The following DCK variants were observed in gnomAD, a reference collection of about 807,000 sequenced individuals.
DCK encodes deoxycytidine kinase.
A neutral mutation model predicts 38.3 loss-of-function variants in DCK; 23 were observed. The observed-to-expected ratio is 0.60, with a 90% CI of 0.43 to 0.85. The LOEUF (loss-of-function observed/expected upper bound fraction) is 0.85, where lower values mean the gene tolerates loss of function less well. Ranked by LOEUF, DCK falls within the 40% of genes least tolerant of loss-of-function variation. The probability of loss-of-function intolerance (pLI) is 0.00; values close to 1 mark genes in which losing one functional copy is unlikely to be tolerated. For missense variants in DCK, 259 were observed against 304.4 expected (o/e 0.85, Z 1.11); for synonymous variants, 108 against 100.6 (o/e 1.07, Z -0.44).
intron 2 of DCK, among the ~76,000 whole-genome samples, chr4:71,006,680 C>A (rs891597617): frequency 6.6e-5 from 10 of 152,028 alleles, no homozygotes; most frequent in African/African-American, 2.4e-4. Context: ...TGGTAGCCTG[C>A]ACTTGGGGTT....
rs556299101 is a variant in DCK at position 71,027,744 on chromosome 4, A to G, written c.756+989A>G. The stretch of plus-strand genomic sequence containing the variant: ...AACTAAAGCTTATCTGGAAAATTCC[A>G]ATGACCTCTTCATACTACTAATGAT... On this transcript the variant is annotated intron_variant, in intron 6 of 6. Coordinates refer to ENST00000286648, the MANE Select transcript of DCK (RefSeq NM_000788.3). Among the ~76,000 whole-genome samples the G allele has an allele frequency of 7.9e-5, 12 of 152,286 alleles. No homozygotes were observed. In the South Asian group the frequency reaches 2.5e-3, roughly 32 times the overall value.
At chr4:70,996,374 A>T (rs983987639) in intron 1 of DCK, among the ~76,000 whole-genome samples, 1 of 152,202 alleles carries the variant, frequency 6.6e-6, no homozygotes, top group African/African-American at 2.4e-5. Context: ...AAAGAAAAAA[A>T]AATTAAATTT....
chr4:71,025,509 G>A (rs1740525671), intron 4 of DCK, among the ~76,000 whole-genome samples: 1 of 152,066 alleles, frequency 6.6e-6, no homozygotes, highest in Non-Finnish European at 1.5e-5. Context: ...CCTTTTAGCT[G>A]TTGTCTCTGA....
chr4:71,029,613 G>A lies in DCK; in HGVS notation c.*235G>A. 2.2e-6 allele frequency: 1 copy of A among 454,416 alleles called. No individual in the cohort carries two copies. The highest frequency in any genetic ancestry group is 3.9e-6 in the Non-Finnish European group (1 of 256,242). The allele number at this position is 454,416 out of a possible 1,614,324, so 28.1% of individuals were successfully genotyped here. Reference sequence around the variant, plus strand: ...ACAAAGACATTATTTCTCATAGCAGGAAATGTAGAGGTAGATGGTTCCAGT... The same window carrying A: ...ACAAAGACATTATTTCTCATAGCAGAAAATGTAGAGGTAGATGGTTCCAGT... On this transcript the variant is annotated 3_prime_UTR_variant, in exon 7 of 7. Transcript: ENST00000286648.
intron 2 of DCK, among the ~76,000 whole-genome samples, chr4:71,013,296 A>G (rs1200362593): frequency 1.3e-5 from 2 of 152,236 alleles, no homozygotes; most frequent in African/African-American, 4.8e-5. Context: ...GTGTACCTGA[A>G]AGTGATGGGG....
In DCK at chr4:71,022,568, T is replaced by C; in HGVS notation, c.401+8T>C. On this transcript the variant is annotated splice_region_variant and intron_variant, in intron 3 of 6. Transcript: ENST00000286648. ...ATCTGTGTATAGTGACAGGTATGTATAAATGGCTTGTACGTGGCCATTTGA... is the reference window on the plus strand; with the variant it reads ...ATCTGTGTATAGTGACAGGTATGTACAAATGGCTTGTACGTGGCCATTTGA... 1 of 1,444,112 alleles carries C rather than the reference T, an allele frequency of 6.9e-7. No homozygotes were observed. The highest frequency in any genetic ancestry group is 9.1e-7 in the Non-Finnish European group (1 of 1,096,614). 89.5% of individuals were successfully genotyped at this position (1,444,112 alleles called of 1,614,324 possible). A position where few individuals can be genotyped will look rare whatever the true frequency, so the allele number is the denominator to read the frequency against.
At chr4:71,013,784 G>A (rs945774657) in intron 2 of DCK, among the ~76,000 whole-genome samples, 4 of 152,228 alleles carry the variant, frequency 2.6e-5, no homozygotes, top group Admixed American at 1.3e-4. Flanking sequence ...AGGAACAAGC[G>A]GTACCAGCCA....
chr4:70,993,997 G>GC, intron 1 of DCK, 71 bp downstream of exon 1: 2 of 1,077,918 alleles, frequency 1.9e-6, no homozygotes, highest in Non-Finnish European at 1.4e-6. Context: ...TCCCTTCGCC[G>GC]CATCTCTCTG....
At chr4:71,019,404 A>T (rs1256361046) in intron 2 of DCK, among the ~76,000 whole-genome samples, 1 of 152,158 alleles carries the variant, frequency 6.6e-6, no homozygotes, top group Admixed American at 6.5e-5. Context: ...TGTGGCAAAA[A>T]TATAAAATTT....
chr4:71,013,953 A>G (rs1456303275), intron 2 of DCK, among the ~76,000 whole-genome samples: 1 of 152,236 alleles, frequency 6.6e-6, no homozygotes, highest in Non-Finnish European at 1.5e-5. Flanking sequence ...CAATTGAAAG[A>G]CACAGACTGG....
Position 71,023,640 on chromosome 4 carries a change from G to GATGAATAACCAATTTGGCC in DCK, c.485_503dup (p.Gln168HisfsTer3). 6.2e-7 allele frequency: 1 copy of GATGAATAACCAATTTGGCC among 1,613,500 alleles called. No homozygotes were observed. Among genetic ancestry groups the GATGAATAACCAATTTGGCC allele is most frequent in the Non-Finnish European group, 8.5e-7 (1 of 1,179,578 alleles). On this transcript the variant is annotated frameshift_variant, in exon 4 of 7. Transcript: ENST00000286648. LOFTEE classifies it high-confidence loss of function. Reference sequence around the variant, plus strand: ...CAATTTATCAAGACTGGCATGACTGGATGAATAACCAATTTGGCCAAAGCC... The same window carrying GATGAATAACCAATTTGGCC: ...CAATTTATCAAGACTGGCATGACTGGATGAATAACCAATTTGGCCATGAATAACCAATTTGGCCAAAGCC...
At chr4:71,017,845 G>A (rs1713928035) in intron 2 of DCK, among the ~76,000 whole-genome samples, 1 of 151,704 alleles carries the variant, frequency 6.6e-6, no homozygotes, top group Non-Finnish European at 1.5e-5. Context: ...GAGTTAATGG[G>A]TGCAGTACAC....
chr4:70,998,568 T>C (rs1739710102), intron 2 of DCK, among the ~76,000 whole-genome samples: 1 of 152,182 alleles, frequency 6.6e-6, no homozygotes, highest in Non-Finnish European at 1.5e-5. Context: ...TATGTGGATG[T>C]TGGTATCTGT....
chr4:71,018,116 T>C (rs550847876), intron 2 of DCK, among the ~76,000 whole-genome samples: 2 of 145,488 alleles, frequency 1.4e-5, no homozygotes, highest in Non-Finnish European at 3.0e-5. Context: ...ATTTGTATTC[T>C]AGATTATTTC....
chr4:71,008,047 G>A lies in DCK; in HGVS notation c.207+9865G>A, dbSNP rs115372498. On this transcript the variant is annotated intron_variant, in intron 2 of 6. Coordinates refer to ENST00000286648, the MANE Select transcript of DCK (RefSeq NM_000788.3). ...GGGCCTATAGTATTTAATTTTATTC[G>A]TCTATCACTGTTTGTCCATTTTATA... Among the ~76,000 whole-genome samples, 1,254 of 152,186 alleles carry A rather than the reference G, an allele frequency of 8.2e-3. 9 individuals are homozygous for A. Among genetic ancestry groups the A allele is most frequent in the African/African-American group, 0.029 (1,192 of 41,518 alleles).
intron 2 of DCK, among the ~76,000 whole-genome samples, chr4:71,017,933 A>C (rs985606381): frequency 2.6e-5 from 4 of 152,154 alleles, no homozygotes; most frequent in Non-Finnish European, 5.9e-5. Context: ...TATAAAAAAA[A>C]AATTTATATA....
chr4:71,001,842 C>CT (rs1481414662), intron 2 of DCK, among the ~76,000 whole-genome samples: 4 of 151,608 alleles, frequency 2.6e-5, no homozygotes, highest in African/African-American at 9.7e-5. Flanking sequence ...TTTATTGTGT[C>CT]TATTTGATTC....
intron 2 of DCK, among the ~76,000 whole-genome samples, chr4:71,009,413 A>G (rs1740032655): frequency 6.6e-6 from 1 of 152,192 alleles, no homozygotes; most frequent in South Asian, 2.1e-4. Context: ...GATTAGTTAA[A>G]TCATGTTAAT....
intron 2 of DCK, among the ~76,000 whole-genome samples, chr4:71,021,038 A>G (rs79648010): frequency 4.1e-4 from 63 of 152,104 alleles, no homozygotes; most frequent in African/African-American, 1.5e-3. Flanking sequence ...GAAAGAGAAA[A>G]ATAATTCATG....
Sources: allele counts gnomAD v4.1 joint callset (sites outside exome capture counted in the v4.1 genomes callset), GRCh38; gene constraint gnomAD v4.1.1; transcripts MANE v1.5; gene names NCBI Gene and HGNC (gene_info 2026-07-23, HGNC 2026-07-21).